The following BMP6 variants were observed in gnomAD, a reference collection of about 807,000 sequenced individuals.
BMP6 encodes the protein bone morphogenetic protein 6, also known as VG-1-R.
A neutral mutation model predicts 54.1 loss-of-function variants in BMP6; 17 were observed. The observed-to-expected ratio is 0.31, with a 90% CI of 0.22 to 0.47. The LOEUF (loss-of-function observed/expected upper bound fraction) is 0.47. BMP6 is among the 20% of genes least tolerant of loss of function. The probability of loss-of-function intolerance (pLI) is 1.00; values close to 1 mark genes in which losing one functional copy is unlikely to be tolerated. For synonymous variants in BMP6, 328 were observed against 291.2 expected, an observed-to-expected ratio of 1.13 and a Z score of -1.28; for missense variants, 720 against 690.4, an observed-to-expected ratio of 1.04 and a Z score of -0.48.
At chr6:7,727,727 C>G (rs1395713316) in intron 1 of BMP6, 108 bp downstream of exon 1, 3 of 1,287,888 alleles carry the variant, frequency 2.3e-6, no homozygotes, top group Non-Finnish European at 3.0e-6. Flanking sequence ...GCGGGTCCCG[C>G]CTGGTGCGCC....
At chr6:7,811,826 C>A (rs1758440609) in intron 1 of BMP6, among the ~76,000 whole-genome samples, 1 of 152,184 alleles carries the variant, frequency 6.6e-6, no homozygotes, top group Admixed American at 6.5e-5. Context: ...CTGCAGATAA[C>A]TTCAGTAATG....
At chr6:7,805,938 C>T (rs1028112157) in intron 1 of BMP6, among the ~76,000 whole-genome samples, 24 of 152,350 alleles carry the variant, frequency 1.6e-4, no homozygotes, top group African/African-American at 5.5e-4. Flanking sequence ...TGGAATGACA[C>T]ATGACTGCAG....
intron 4 of BMP6, among the ~76,000 whole-genome samples, chr6:7,876,446 T>C (rs1759615899): frequency 6.6e-6 from 1 of 152,236 alleles, no homozygotes. Context: ...TACTCCCTAT[T>C]ACTGCCTTCC....
At chr6:7,840,645 A>G (rs1224408727) in intron 1 of BMP6, among the ~76,000 whole-genome samples, 1 of 152,064 alleles carries the variant, frequency 6.6e-6, no homozygotes, top group Non-Finnish European at 1.5e-5. Flanking sequence ...TATTTTATTT[A>G]GTATTAAAAA....
At chr6:7,818,460 T>C (rs750544654) in intron 1 of BMP6, among the ~76,000 whole-genome samples, 28 of 152,252 alleles carry the variant, frequency 1.8e-4, no homozygotes, top group Non-Finnish European at 3.1e-4. Flanking sequence ...TGTTTTTTCC[T>C]TCCAACTTGC....
chr6:7,841,630 G>A lies in BMP6; in HGVS notation c.665-3510G>A, dbSNP rs139268690. On this transcript the variant is annotated intron_variant, in intron 1 of 6. Coordinates refer to ENST00000283147, the MANE Select transcript of BMP6 (RefSeq NM_001718.6). ...GCTGAGGTATGATGAGGAGAGTGAG[G>A]AAGGTGGTACAGCTTTGAGGTAAAA... Among the ~76,000 whole-genome samples, 1,040 of 152,256 alleles carry A rather than the reference G, an allele frequency of 6.8e-3. 2 individuals are homozygous for A. The highest frequency in any genetic ancestry group is 0.01 in the Non-Finnish European group (698 of 68,016).
intron 1 of BMP6, among the ~76,000 whole-genome samples, chr6:7,728,603 C>T (rs952110327): frequency 1.3e-5 from 2 of 152,174 alleles, no homozygotes; most frequent in South Asian, 2.1e-4. Flanking sequence ...GTTTGCACTG[C>T]TTTTCATTCA....
At chr6:7,849,844 C>T (rs879464209) in intron 2 of BMP6, among the ~76,000 whole-genome samples, 3 of 152,128 alleles carry the variant, frequency 2.0e-5, no homozygotes, top group Non-Finnish European at 2.9e-5. Context: ...TTGCATTGCT[C>T]GGCAGTGATG....
chr6:7,866,958 C>G (rs529257416), intron 4 of BMP6, among the ~76,000 whole-genome samples: 2 of 152,326 alleles, frequency 1.3e-5, no homozygotes, highest in South Asian at 4.1e-4. Flanking sequence ...GCAACCTCCT[C>G]CTCCCGGGTT....
chr6:7,820,171 G>A (rs1758585035), intron 1 of BMP6, among the ~76,000 whole-genome samples: 1 of 152,228 alleles, frequency 6.6e-6, no homozygotes, highest in Admixed American at 6.5e-5. Context: ...TAAAAAGTAT[G>A]TGTATATACC....
At chr6:7,731,714 G>C (rs1239001728) in intron 1 of BMP6, among the ~76,000 whole-genome samples, 1 of 152,240 alleles carries the variant, frequency 6.6e-6, no homozygotes, top group African/African-American at 2.4e-5. Context: ...AATGTTTACA[G>C]TGAAGACATT....
chr6:7,824,934 C>T (rs894269171), intron 1 of BMP6, among the ~76,000 whole-genome samples: 73 of 152,180 alleles, frequency 4.8e-4, no homozygotes, highest in Non-Finnish European at 8.8e-5. Flanking sequence ...ATACCACTGG[C>T]TTATTGTCGA....
chr6:7,734,500 A>G (rs7774510), intron 1 of BMP6, among the ~76,000 whole-genome samples: 6,495 of 152,252 alleles, frequency 0.043, 447 homozygotes, highest in African/African-American at 0.15. Flanking sequence ...CAAGAGCACA[A>G]CCCTGGAAGA....
At chr6:7,860,445 A>T (rs1244899369) in intron 2 of BMP6, among the ~76,000 whole-genome samples, 1 of 152,204 alleles carries the variant, frequency 6.6e-6, no homozygotes, top group Non-Finnish European at 1.5e-5. Flanking sequence ...GGATACGCAG[A>T]TTCAGATTGT....
At chr6:7,842,312 A>G (rs759099776) in intron 1 of BMP6, among the ~76,000 whole-genome samples, 19 of 152,286 alleles carry the variant, frequency 1.2e-4, no homozygotes, top group African/African-American at 4.3e-4. Flanking sequence ...TGGCATCTTC[A>G]TAACACTTCT....
In BMP6 at chr6:7,727,408, G is replaced by T. The variant is rs201603718; in HGVS notation, c.453G>T (p.Gly151=). ...NALSADNDED[G]ASEGERQQSW... is the part of the protein sequence containing the mutation. Reference sequence around the variant, plus strand: ...TGTCCGCCGACAACGACGAGGACGGGGCGTCGGAGGGGGAGAGGCAGCAGT... The same window carrying T: ...TGTCCGCCGACAACGACGAGGACGGTGCGTCGGAGGGGGAGAGGCAGCAGT... Residue 151 remains glycine, a synonymous_variant, in exon 1 of 7, where the codon GGG becomes GGT. Coordinates refer to ENST00000283147, the MANE Select transcript of BMP6 (RefSeq NM_001718.6). The T allele has an allele frequency of 7.8e-4, 1,254 of 1,607,024 alleles. No homozygotes were observed. Among genetic ancestry groups the T allele is most frequent in the Non-Finnish European group, 9.8e-4 (1,159 of 1,177,626 alleles).
chr6:7,806,133 G>A (rs965470153), intron 1 of BMP6, among the ~76,000 whole-genome samples: 1 of 152,260 alleles, frequency 6.6e-6, no homozygotes. Context: ...CTTGGTGCCA[G>A]CCTCCTGGGG....
intron 4 of BMP6, among the ~76,000 whole-genome samples, chr6:7,863,543 G>A (rs765837985): frequency 5.9e-5 from 9 of 152,136 alleles, no homozygotes; most frequent in Non-Finnish European, 1.0e-4. Flanking sequence ...CTGGGGTTGC[G>A]TCCTCCAACC....
At position 7,845,329 on chromosome 6, in the gene BMP6, A is replaced by G. The variant is rs1319511365; in HGVS notation, c.854A>G (p.His285Arg). The G allele has an allele frequency of 6.2e-7, 1 of 1,613,420 alleles. No individual in the cohort carries two copies. Among genetic ancestry groups the G allele is most frequent in the Admixed American group, 1.7e-5 (1 of 59,964 alleles). The change falls in exon 2 of 7, where the codon CAC becomes CGC. Residue 285 changes from histidine (H) to arginine (R), a missense_variant. Transcript: ENST00000283147. ...SIYQVLQEHQ[H>R]RDSDLFLLDT... ...TATCAAGTCTTACAGGAGCATCAGC[A>G]CAGGTATGAAGGCTCGAGAAAGCCC...
Sources: gnomAD v4.1 joint callset for allele counts (sites outside exome capture counted in the v4.1 genomes callset) on GRCh38, gnomAD v4.1.1 for gene constraint, MANE v1.5 for transcripts, NCBI Gene and HGNC (gene_info 2026-07-23, HGNC 2026-07-21) for gene names.